TUBGCP4: variants seen among roughly 807,000 people sequenced by gnomAD.
The protein encoded by TUBGCP4 is gamma-tubulin complex component 4.
Under a neutral mutation model 91.6 loss-of-function variants are expected in TUBGCP4, and 54 were observed. The ratio of observed to expected loss-of-function variants is 0.59; its 90% CI spans 0.47 to 0.74. TUBGCP4 has a LOEUF of 0.74. Among genes scored for constraint, TUBGCP4 ranks in the 30% least tolerant of loss-of-function variants. The probability of loss-of-function intolerance (pLI) is 0.00; values close to 1 mark genes in which losing one functional copy is unlikely to be tolerated. For missense variants in TUBGCP4, 593 were observed against 800.9 expected (o/e 0.74, Z 3.13); for synonymous variants, 297 against 302.8 (o/e 0.98, Z 0.20).
Position 43,405,328 on chromosome 15 carries a change from A to T in TUBGCP4, c.*114A>T. 8.2e-7 allele frequency: 1 copy of T among 1,219,688 alleles called. No individual in the cohort carries two copies. Among genetic ancestry groups the T allele is most frequent in the South Asian group, 1.3e-5 (1 of 78,004 alleles). The allele number at this position is 1,219,688 out of a possible 1,614,324, so 75.6% of individuals were successfully genotyped here. ...TAAATATCTGCGGCTTAGTGATAGG[A>T]CTCTACCTTTTCTCCTAGAAGCAGT... is the stretch of plus-strand genomic sequence containing the variant. On this transcript the variant is annotated 3_prime_UTR_variant, in exon 18 of 18. Transcript: ENST00000564079.
At chr15:43,403,037 G>A (rs2044722222) in intron 15 of TUBGCP4, 1 of 152,184 alleles carries the variant, frequency 6.6e-6, no homozygotes, top group Non-Finnish European at 1.5e-5. Context: ...GTATCCATAG[G>A]GAAAAGCAGA....
At chr15:43,385,977 T>G in intron 8 of TUBGCP4, 21 bp downstream of exon 8, 1 of 1,612,558 alleles carries the variant, frequency 6.2e-7, no homozygotes, top group African/African-American at 1.3e-5. Context: ...CCTTGTCCAA[T>G]GTACCACACC....
At chr15:43,395,495 A>G (rs2044565660) in intron 10 of TUBGCP4, 88 bp from the exon 11 acceptor site, 1 of 983,436 alleles carries the variant, frequency 1.0e-6, no homozygotes, top group Non-Finnish European at 1.6e-6. Flanking sequence ...TGATGAAATT[A>G]GAAATTACTG....
chr15:43,402,129 A>T (rs1377513899), intron 15 of TUBGCP4: 3 of 272,334 alleles, frequency 1.1e-5, no homozygotes, highest in East Asian at 1.8e-4. Context: ...AAGAAAAAAA[A>T]AATAATAGGT....
intron 7 of TUBGCP4, 84 bp downstream of exon 7, chr15:43,383,588 T>C: frequency 1.6e-6 from 2 of 1,278,178 alleles, no homozygotes; most frequent in South Asian, 3.1e-5. Context: ...TGATCCCTTC[T>C]TAGCTCATAG....
At chr15:43,402,774 C>T (rs1404073165) in intron 15 of TUBGCP4, 1 of 152,148 alleles carries the variant, frequency 6.6e-6, no homozygotes, top group Non-Finnish European at 1.5e-5. Flanking sequence ...GGATAAAGAA[C>T]AGGAAGACTG....
chr15:43,385,767 G>C (rs770746654), intron 7 of TUBGCP4, 24 bp from the exon 8 acceptor site: 2 of 1,613,104 alleles, frequency 1.2e-6, no homozygotes, highest in Non-Finnish European at 1.7e-6. Context: ...ACTGCATCTC[G>C]ATGTGTACTC....
chr15:43,401,667 G>T (rs778354783), intron 14 of TUBGCP4, 49 bp from the exon 15 acceptor site: 4 of 1,596,542 alleles, frequency 2.5e-6, no homozygotes, highest in South Asian at 2.2e-5. Context: ...TAATGTCTTC[G>T]AGTGCTTAGA....
chr15:43,403,131 A>T (rs2142891337), intron 15 of TUBGCP4: 1 of 152,324 alleles, frequency 6.6e-6, no homozygotes, highest in Middle Eastern at 3.4e-3. Context: ...GGTATAATTC[A>T]TGGCTCTGCC....
chr15:43,373,624 T>C (rs917706169), intron 1 of TUBGCP4, among the ~76,000 whole-genome samples: 5 of 151,886 alleles, frequency 3.3e-5, no homozygotes, highest in Non-Finnish European at 7.4e-5. Flanking sequence ...ACCCAGGCAG[T>C]TGGGCTCCAG....
rs897057833 is a variant in TUBGCP4, at chr15:43,409,093, T to C, written c.*3879T>C. On this transcript the variant is annotated 3_prime_UTR_variant, in exon 18 of 18. Coordinates refer to ENST00000564079, the MANE Select transcript of TUBGCP4 (RefSeq NM_014444.5). Reference sequence around the variant, plus strand: ...ATTAGAAGACACTGGTAAGCTGTGTTACACTGCAAGAAAAGAAGCAGAGCC... The same window carrying C: ...ATTAGAAGACACTGGTAAGCTGTGTCACACTGCAAGAAAAGAAGCAGAGCC... 3 of 1,614,152 alleles carry C rather than the reference T, an allele frequency of 1.9e-6. No individual in the cohort carries two copies. The South Asian group carries it at 3.3e-5, about 18-fold the overall frequency.
chr15:43,377,923 C>T lies in TUBGCP4; in HGVS notation c.441+20C>T, dbSNP rs763267776. 6.3e-7 allele frequency: 1 copy of T among 1,578,768 alleles called. No homozygotes were observed. The highest frequency in any genetic ancestry group is 8.6e-7 in the Non-Finnish European group (1 of 1,163,448). On this transcript the variant is annotated intron_variant, in intron 5 of 17. Transcript: ENST00000564079. ...CAAAAGGTGAGAACTTTCCTTATTC[C>T]TTTTGCTTTGCTAAGCACTGAGGGA...
chr15:43,394,074 T>A (rs1595493712), intron 9 of TUBGCP4: 2 of 135,952 alleles, frequency 1.5e-5, no homozygotes, highest in East Asian at 4.6e-4. Context: ...TTACAAATAT[T>A]TTCTCACTAT....
At chr15:43,392,196 T>G (rs923549415) in intron 9 of TUBGCP4, among the ~76,000 whole-genome samples, 4 of 151,780 alleles carry the variant, frequency 2.6e-5, no homozygotes, top group Admixed American at 2.0e-4. Context: ...TCGTGTTTTT[T>G]TTTTTACTCT....
At chr15:43,379,681 C>T (rs1302810053) in intron 5 of TUBGCP4, among the ~76,000 whole-genome samples, 1 of 150,320 alleles carries the variant, frequency 6.7e-6, no homozygotes, top group Admixed American at 6.6e-5. Context: ...AACATAGAGG[C>T]AGAGGATTTT....
Position 43,395,635 on chromosome 15 carries a change from T to C in TUBGCP4, c.1118T>C (p.Ile373Thr), listed in dbSNP as rs2044568466. The change falls in exon 11 of 18, where the codon ATT becomes ACT. Residue 373 changes from isoleucine to threonine, a missense_variant. Ile to Thr is a moderately conservative substitution (Grantham distance 89). Transcript: ENST00000564079. ...CGTGGAGAACTGTTTCAGGCCTTCA[T>C]TGACACAGCTCAACACATGTTGAAA... Reference protein sequence around the residue: ...LGRGELFQAFIDTAQHMLKTP... With the variant: ...LGRGELFQAFTDTAQHMLKTP... The C allele has an allele frequency of 1.2e-6, 2 of 1,614,140 alleles. No homozygotes were observed. Among genetic ancestry groups the C allele is most frequent in the Non-Finnish European group, 1.7e-6 (2 of 1,179,996 alleles).
chr15:43,408,821 C>T lies in TUBGCP4; in HGVS notation c.*3607C>T, dbSNP rs2045015418. On this transcript the variant is annotated 3_prime_UTR_variant, in exon 18 of 18. Transcript: ENST00000564079. ...TCCAATTTCTAGAAAGCTTTACTCT[C>T]TCACCTAGATTCTCTTCCCTCCAAA... 4.1e-6 allele frequency: 6 copies of T among 1,448,074 alleles called. No homozygotes were observed. The highest frequency in any genetic ancestry group is 5.8e-6 in the Non-Finnish European group (6 of 1,035,706). The allele number at this position is 1,448,074 out of a possible 1,614,324, so 89.7% of individuals were successfully genotyped here. A position where few individuals can be genotyped will look rare whatever the true frequency, so the allele number is the denominator to read the frequency against.
rs550921096 is a variant in TUBGCP4, at chr15:43,409,328, C to T, written c.*4114C>T. ...ACTGAGGACCTAAATCCTCAACGGA[C>T]AACCAAAACCTATGAACTCAGCCTT... On this transcript the variant is annotated 3_prime_UTR_variant, in exon 18 of 18. Transcript: ENST00000564079. 1.7e-6 allele frequency: 1 copy of T among 585,892 alleles called. No individual in the cohort carries two copies. Among genetic ancestry groups the T allele is most frequent in the Non-Finnish European group, 3.0e-6 (1 of 329,794 alleles). The allele number at this position is 585,892 out of a possible 1,614,324, so 36.3% of individuals were successfully genotyped here. A position where few individuals can be genotyped will look rare whatever the true frequency, so the allele number is the denominator to read the frequency against.
chr15:43,387,959 G>A (rs1048062741), intron 9 of TUBGCP4, among the ~76,000 whole-genome samples: 6 of 151,664 alleles, frequency 4.0e-5, no homozygotes, highest in Non-Finnish European at 7.4e-5. Flanking sequence ...AGCAATTCAC[G>A]TGCCTCAGCC....
Sources: gnomAD v4.1 joint callset for allele counts (sites outside exome capture counted in the v4.1 genomes callset) on GRCh38, gnomAD v4.1.1 for gene constraint, MANE v1.5 for transcripts, NCBI Gene and HGNC (gene_info 2026-07-23, HGNC 2026-07-21) for gene names.